The following MIPEP variants were observed in gnomAD, a reference collection of about 807,000 sequenced individuals.
MIPEP encodes mitochondrial intermediate peptidase.
In MIPEP, 79 loss-of-function variants were observed where a neutral mutation model predicts 90.3. The ratio of observed to expected loss-of-function variants is 0.87; its 90% CI spans 0.73 to 1.05. The LOEUF (loss-of-function observed/expected upper bound fraction) is 1.05. Among genes scored for constraint, MIPEP ranks in the 50% least tolerant of loss-of-function variants. MIPEP has a pLI of 0.00. For missense variants in MIPEP, 940 were observed against 905.6 expected (o/e 1.04, Z -0.49); for synonymous variants, 334 against 315.8 (o/e 1.06, Z -0.61).
chr13:23,872,177 TA>T (rs1163561376), intron 5 of MIPEP, among the ~76,000 whole-genome samples: 2 of 152,234 alleles, frequency 1.3e-5, no homozygotes, highest in African/African-American at 4.8e-5. Context: ...CCTTAAAAAT[TA>T]AGGCCGGGTG....
intron 16 of MIPEP, among the ~76,000 whole-genome samples, chr13:23,794,271 G>A (rs1952932717): frequency 6.6e-6 from 1 of 152,184 alleles, no homozygotes; most frequent in Non-Finnish European, 1.5e-5. Flanking sequence ...GGAGGAGGGA[G>A]ACTGTATTGT....
intron 18 of MIPEP, among the ~76,000 whole-genome samples, chr13:23,741,424 A>G (rs561576762): frequency 6.6e-6 from 1 of 152,304 alleles, no homozygotes; most frequent in East Asian, 1.9e-4. Flanking sequence ...ATCAACCTAA[A>G]TGCCCATCAA....
chr13:23,815,211 C>T (rs1953219042), intron 14 of MIPEP, among the ~76,000 whole-genome samples: 1 of 152,116 alleles, frequency 6.6e-6, no homozygotes, highest in Non-Finnish European at 1.5e-5. Flanking sequence ...TGATCTGTTT[C>T]AGATCTATAC....
chr13:23,780,666 A>C (rs1952771937), intron 16 of MIPEP, among the ~76,000 whole-genome samples: 1 of 152,240 alleles, frequency 6.6e-6, no homozygotes, highest in African/African-American at 2.4e-5. Flanking sequence ...GAGCTAAAGG[A>C]AGATGTTCAA....
chr13:23,827,138 T>A (rs74038794), intron 14 of MIPEP, among the ~76,000 whole-genome samples: 2,777 of 146,078 alleles, frequency 0.019, 93 homozygotes, highest in African/African-American at 0.067. Flanking sequence ...CGGGGAGTAG[T>A]GGCCCAGGAA....
intron 16 of MIPEP, among the ~76,000 whole-genome samples, chr13:23,765,739 T>C: frequency 6.6e-6 from 1 of 152,188 alleles, no homozygotes; most frequent in East Asian, 1.9e-4. Context: ...ATGGACACCA[T>C]GGGATTCTTT....
intron 18 of MIPEP, among the ~76,000 whole-genome samples, chr13:23,744,195 T>A (rs75843567): frequency 3.3e-5 from 5 of 152,330 alleles, no homozygotes; most frequent in Admixed American, 6.5e-5. Flanking sequence ...CATTTTACTG[T>A]AGGTAAGGCA....
rs904568694 is a variant in MIPEP at position 23,800,259 on chromosome 13, A to G, written c.1848+5691T>C. On this transcript the variant is annotated intron_variant, in intron 16 of 18. Coordinates refer to ENST00000382172, the MANE Select transcript of MIPEP (RefSeq NM_005932.4). ...CCCAGAGCTTTCTGGACACGACTGT[A>G]TCTCAACTGTGTCAGAGAGGAGGGT... Among the ~76,000 whole-genome samples, 3 of 152,236 alleles carry G rather than the reference A, an allele frequency of 2.0e-5. 1 individual carries two copies. The highest frequency in any genetic ancestry group is 7.2e-5 in the African/African-American group (3 of 41,462).
chr13:23,843,765 G>A (rs912710110), intron 10 of MIPEP, among the ~76,000 whole-genome samples: 2 of 152,182 alleles, frequency 1.3e-5, no homozygotes, highest in Admixed American at 6.5e-5. Context: ...AGAGGGCAGT[G>A]GGGTCAGGGA....
At chr13:23,796,194 G>A (rs1384681227) in intron 16 of MIPEP, among the ~76,000 whole-genome samples, 2 of 152,208 alleles carry the variant, frequency 1.3e-5, no homozygotes, top group Non-Finnish European at 1.5e-5. Context: ...CGAGGTGGGC[G>A]GATAACTTGA....
intron 18 of MIPEP, among the ~76,000 whole-genome samples, chr13:23,755,790 A>G (rs1486264512): frequency 6.6e-6 from 1 of 152,202 alleles, no homozygotes; most frequent in Non-Finnish European, 1.5e-5. Context: ...AATACCTTAA[A>G]GATATTAAGT....
intron 4 of MIPEP, among the ~76,000 whole-genome samples, chr13:23,878,030 T>C (rs1468360274): frequency 1.3e-5 from 2 of 152,228 alleles, no homozygotes. Context: ...AAGTCCTTTC[T>C]ATCTAAAATG....
At chr13:23,767,755 T>C (rs1593142380) in intron 16 of MIPEP, among the ~76,000 whole-genome samples, 2 of 152,298 alleles carry the variant, frequency 1.3e-5, no homozygotes, top group South Asian at 4.1e-4. Context: ...CCTGGCCCTT[T>C]GTAAATATTT....
chr13:23,852,332 T>TGTA (rs1353528795), intron 10 of MIPEP, among the ~76,000 whole-genome samples: 2 of 152,232 alleles, frequency 1.3e-5, no homozygotes, highest in Admixed American at 6.5e-5. Flanking sequence ...ACAAGAGTTA[T>TGTA]GTAAGAAGAT....
At position 23,764,518 on chromosome 13, in the gene MIPEP, A is replaced by C. The variant is rs559855253; in HGVS notation, c.1849-4301T>G. The stretch of plus-strand genomic sequence containing the variant: ...AGCAAGCACTCAGTAACTGTGTGCT[A>C]GATATGGAATAACGGAACTAACCAT... On this transcript the variant is annotated intron_variant, in intron 16 of 18. Coordinates refer to ENST00000382172, the MANE Select transcript of MIPEP (RefSeq NM_005932.4). Among the ~76,000 whole-genome samples the C allele has an allele frequency of 7.9e-5, 12 of 152,356 alleles. No homozygotes were observed. In the East Asian group the frequency reaches 2.1e-3, roughly 27 times the overall value.
chr13:23,741,325 T>C (rs980968440), intron 18 of MIPEP, among the ~76,000 whole-genome samples: 2 of 151,952 alleles, frequency 1.3e-5, no homozygotes, highest in African/African-American at 2.4e-5. Flanking sequence ...CTGGTTAATA[T>C]ACACAAAAGG....
At chr13:23,839,823 C>G in intron 11 of MIPEP, 97 bp from the exon 12 acceptor site, 2 of 730,328 alleles carry the variant, frequency 2.7e-6, no homozygotes, top group Non-Finnish European at 4.5e-6. Context: ...CATAGCCACA[C>G]ATATAGACAT....
At chr13:23,856,528 G>T (rs1410110426) in intron 10 of MIPEP, among the ~76,000 whole-genome samples, 1 of 152,154 alleles carries the variant, frequency 6.6e-6, no homozygotes, top group Admixed American at 6.5e-5. Context: ...AATGCAAATT[G>T]GGGGTAGATT....
intron 16 of MIPEP, among the ~76,000 whole-genome samples, chr13:23,779,778 C>T (rs929230626): frequency 6.6e-5 from 10 of 152,164 alleles, no homozygotes; most frequent in East Asian, 1.9e-4. Flanking sequence ...ACTTTTCCAA[C>T]GGTCTTAGCA....
Sources: gnomAD v4.1 joint callset for allele counts (sites outside exome capture counted in the v4.1 genomes callset) on GRCh38, gnomAD v4.1.1 for gene constraint, MANE v1.5 for transcripts, NCBI Gene and HGNC (gene_info 2026-07-23, HGNC 2026-07-21) for gene names.